PGBD2: variants seen among roughly 807,000 people sequenced by gnomAD.
The protein encoded by PGBD2 is piggyBac transposable element-derived protein 2.
A neutral mutation model predicts 8.1 loss-of-function variants in PGBD2; 6 were observed. That is an observed-to-expected ratio of 0.74 (90% confidence interval 0.40 to 1.46). PGBD2 has a LOEUF of 1.46. PGBD2 is among the 40% of genes most tolerant of loss of function. The pLI, the probability that PGBD2 is intolerant of heterozygous loss-of-function variation, is 0.02. For missense variants in PGBD2, 802 were observed against 739.0 expected (o/e 1.09, Z -0.99); for synonymous variants, 318 against 272.2 (o/e 1.17, Z -1.66).
chr1:248,885,814 C>A, the PGBD2 span, among the ~76,000 whole-genome samples: 1 of 152,310 alleles, frequency 6.6e-6, no homozygotes, highest in Non-Finnish European at 1.5e-5. Context: ...TCTAAATTGG[C>A]AATTCAAAGT....
intron 1 of PGBD2, among the ~76,000 whole-genome samples, chr1:248,910,569 CT>C (rs1661836234): frequency 6.6e-6 from 1 of 152,184 alleles, no homozygotes; most frequent in East Asian, 1.9e-4. Context: ...CACATTTTTC[CT>C]GGGCTACAGA....
At chr1:248,874,050 G>A in the PGBD2 span, among the ~76,000 whole-genome samples, 1 of 152,168 alleles carries the variant, frequency 6.6e-6, no homozygotes, top group Non-Finnish European at 1.5e-5. Context: ...CCAGGAAGAA[G>A]GTTACAACTA....
the PGBD2 span, among the ~76,000 whole-genome samples, chr1:248,884,617 C>T: frequency 6.6e-6 from 1 of 152,100 alleles, no homozygotes; most frequent in Non-Finnish European, 1.5e-5. Flanking sequence ...TTTAAAAACA[C>T]ATTTTAGGGA....
In PGBD2 at chr1:248,916,878, CAAG is replaced by C. The variant is rs1662116724; in HGVS notation, c.299_301del (p.Lys100del). 2.5e-6 allele frequency: 4 copies of C among 1,613,904 alleles called. No homozygotes were observed. In the East Asian group the frequency reaches 8.9e-5, roughly 36 times the overall value. On this transcript the variant is annotated inframe_deletion, in exon 3 of 3. Transcript: ENST00000329291. Reference sequence around the variant, plus strand: ...ATGACGACCTGGAGCTGCAGCCAGCCAAGAAGAGGCAGAAAGCAGTTGTGAAAC... The same window carrying C: ...ATGACGACCTGGAGCTGCAGCCAGCCAAGAGGCAGAAAGCAGTTGTGAAAC...
chr1:248,900,367 C>T, the PGBD2 span, among the ~76,000 whole-genome samples: 39 of 152,280 alleles, frequency 2.6e-4, no homozygotes, highest in African/African-American at 7.5e-4. Flanking sequence ...AAGCTGAATC[C>T]AGCATCACAT....
the PGBD2 span, among the ~76,000 whole-genome samples, chr1:248,889,855 A>T: frequency 4.6e-5 from 7 of 151,126 alleles, no homozygotes; most frequent in Non-Finnish European, 1.0e-4. Flanking sequence ...CCAGATAGGC[A>T]AAACAAAGAG....
the PGBD2 span, among the ~76,000 whole-genome samples, chr1:248,874,256 G>T: frequency 1.3e-5 from 2 of 152,178 alleles, no homozygotes; most frequent in African/African-American, 4.8e-5. Context: ...CTTCCCTGGT[G>T]GTCTAGTGGT....
At chr1:248,912,406 G>A (rs992124985) in intron 1 of PGBD2, among the ~76,000 whole-genome samples, 5 of 152,144 alleles carry the variant, frequency 3.3e-5, no homozygotes, top group African/African-American at 7.2e-5. Context: ...GCATCGCTGG[G>A]CAAGTCACTT....
chr1:248,920,061 G>T (rs1283999082), downstream of PGBD2: 1 of 152,036 alleles, frequency 6.6e-6, no homozygotes, highest in Non-Finnish European at 1.5e-5. Context: ...ATTTTTAGTA[G>T]AGATGGTGTT....
rs113439457 is a variant in PGBD2, at chr1:248,913,799, C to T, written c.-47-17C>T. On this transcript the variant is annotated splice_polypyrimidine_tract_variant and intron_variant, in intron 1 of 2. Transcript: ENST00000329291. ...AAGATACAATTTTTTTTTAAATTGA[C>T]TTTTCTTGTCTTACAGGTTCTTAGA... The T allele has an allele frequency of 8.2e-4, 1,122 of 1,366,058 alleles. 12 individuals are homozygous for T. The African/African-American group carries it at 0.015, about 18-fold the overall frequency. The allele number at this position is 1,366,058 out of a possible 1,614,324, so 84.6% of individuals were successfully genotyped here. A position where few individuals can be genotyped will look rare whatever the true frequency, so the allele number is the denominator to read the frequency against.
the PGBD2 span, among the ~76,000 whole-genome samples, chr1:248,926,742 A>T: frequency 3.3e-5 from 5 of 152,224 alleles, no homozygotes; most frequent in African/African-American, 1.2e-4. Flanking sequence ...GTTTAGATTC[A>T]TGTGGGAATA....
chr1:248,882,931 T>C, the PGBD2 span, among the ~76,000 whole-genome samples: 2 of 152,242 alleles, frequency 1.3e-5, no homozygotes, highest in Admixed American at 1.3e-4. Flanking sequence ...TACAAATGTT[T>C]ATGTCAGAAT....
At chr1:248,909,619 T>TG (rs1182281116) in intron 1 of PGBD2, among the ~76,000 whole-genome samples, 2 of 151,898 alleles carry the variant, frequency 1.3e-5, no homozygotes, top group African/African-American at 4.8e-5. Context: ...GATACAGAGG[T>TG]GGGGTCGACC....
chr1:248,898,474 A>C, the PGBD2 span, among the ~76,000 whole-genome samples: 59 of 152,216 alleles, frequency 3.9e-4, no homozygotes, highest in African/African-American at 1.4e-3. Context: ...AAAGAAAAGA[A>C]TTTCAAACCC....
Position 248,916,781 on chromosome 1 carries a change from G to A in PGBD2, c.197G>A (p.Arg66Gln), listed in dbSNP as rs780551530. The change falls in exon 3 of 3, where the codon CGA becomes CAA. Residue 66 changes from arginine to glutamine, a missense_variant. Arg to Gln is a conservative substitution (Grantham distance 43, BLOSUM62 1). Transcript: ENST00000329291. ...GACTCAGGGGATGAAGACAGCCAGC[G>A]AGGTGCTCACCTACCTGGCAGTGTG... ...DEDSGDEDSQ[R>Q]GAHLPGSVLH... 4.6e-5 allele frequency: 75 copies of A among 1,614,192 alleles called. No individual in the cohort carries two copies. Among genetic ancestry groups the A allele is most frequent in the Non-Finnish European group, 5.9e-5 (70 of 1,180,026 alleles).
At position 248,917,440 on chromosome 1, in the gene PGBD2, AG is replaced by A; in HGVS notation, c.861del (p.Lys288SerfsTer39). 1 of 1,614,090 alleles carries A rather than the reference AG, an allele frequency of 6.2e-7. No individual in the cohort carries two copies. Among genetic ancestry groups the A allele is most frequent in the Non-Finnish European group, 8.5e-7 (1 of 1,180,014 alleles). ...GCACCGGGGGTCCAAGCAGCTGCAC[AG>A]GGGGAAGCCTGTGCGACTTGGCTAC... ...FGHRGSKQLH[R>X]GKPVRLGYKI... is the part of the protein sequence containing the mutation. On this transcript the variant is annotated frameshift_variant, in exon 3 of 3. Coordinates refer to ENST00000329291, the MANE Select transcript of PGBD2 (RefSeq NM_170725.3). LOFTEE classifies it low-confidence loss of function (END_TRUNC).
chr1:248,922,204 C>T (rs559078534), downstream of PGBD2, among the ~76,000 whole-genome samples: 71 of 151,990 alleles, frequency 4.7e-4, no homozygotes, highest in Non-Finnish European at 7.2e-4. Flanking sequence ...GGACCACAGG[C>T]GCCCGCCACC....
chr1:248,921,168 G>T (rs1337714873), downstream of PGBD2, among the ~76,000 whole-genome samples: 2 of 152,050 alleles, frequency 1.3e-5, no homozygotes, highest in Non-Finnish European at 2.9e-5. Flanking sequence ...GTCAGTTTTG[G>T]CTTTTGTTGC....
At chr1:248,926,290 A>T in the PGBD2 span, among the ~76,000 whole-genome samples, 1 of 152,194 alleles carries the variant, frequency 6.6e-6, no homozygotes, top group Non-Finnish European at 1.5e-5. Context: ...ATAATAATGT[A>T]AATAATTTTA....
Sources: allele counts gnomAD v4.1 joint callset (sites outside exome capture counted in the v4.1 genomes callset), GRCh38; gene constraint gnomAD v4.1.1; transcripts MANE v1.5; gene names NCBI Gene and HGNC (gene_info 2026-07-23, HGNC 2026-07-21).